The following RBFOX1 variants were observed in gnomAD, a reference collection of about 807,000 sequenced individuals.
The protein encoded by RBFOX1 is RNA binding protein fox-1 homolog 1.
In RBFOX1, 8 loss-of-function variants were observed where a neutral mutation model predicts 57.7. The ratio of observed to expected loss-of-function variants is 0.14; its 90% CI spans 0.08 to 0.25. The LOEUF (loss-of-function observed/expected upper bound fraction) is 0.25. Ranked by LOEUF, RBFOX1 falls within the 10% of genes least tolerant of loss-of-function variation. The pLI, the probability that RBFOX1 is intolerant of heterozygous loss-of-function variation, is 1.00. For synonymous variants in RBFOX1, 326 were observed against 222.4 expected, an observed-to-expected ratio of 1.47 and a Z score of -4.15; for missense variants, 611 against 548.5, an observed-to-expected ratio of 1.11 and a Z score of -1.14.
intron 5 of RBFOX1, among the ~76,000 whole-genome samples, chr16:7,555,132 C>T (rs1181556656): frequency 2.0e-5 from 3 of 152,088 alleles, no homozygotes; most frequent in Non-Finnish European, 4.4e-5. Flanking sequence ...AATTACAATG[C>T]ATCTCCCCAC....
intron 2 of RBFOX1, among the ~76,000 whole-genome samples, chr16:5,510,359 GTC>G (rs1394993677): frequency 1.1e-4 from 16 of 152,332 alleles, no homozygotes; most frequent in Admixed American, 3.9e-4. Context: ...TCTGCCTGGT[GTC>G]TCTGCTTCTT....
intron 4 of RBFOX1, among the ~76,000 whole-genome samples, chr16:7,119,725 A>G (rs1025801660): frequency 5.9e-5 from 9 of 152,140 alleles, no homozygotes; most frequent in Admixed American, 5.2e-4. Context: ...GCCAAAACTG[A>G]TAGAACTGAA....
intron 4 of RBFOX1, among the ~76,000 whole-genome samples, chr16:7,106,877 T>C (rs920498404): frequency 3.9e-5 from 6 of 151,970 alleles, no homozygotes; most frequent in Non-Finnish European, 8.8e-5. Flanking sequence ...AAACAAGTAT[T>C]TATCATGCAC....
intron 3 of RBFOX1, among the ~76,000 whole-genome samples, chr16:6,736,601 A>G (rs1241601479): frequency 1.3e-5 from 2 of 152,196 alleles, no homozygotes; most frequent in African/African-American, 2.4e-5. Context: ...GCAGTTGTGA[A>G]TTGTGCCACT....
chr16:7,431,499 C>T (rs1002963507), intron 4 of RBFOX1, among the ~76,000 whole-genome samples: 1 of 152,086 alleles, frequency 6.6e-6, no homozygotes, highest in South Asian at 2.1e-4. Flanking sequence ...CTTTGGCCTC[C>T]CAAAGTGTGG....
intron 4 of RBFOX1, among the ~76,000 whole-genome samples, chr16:5,902,908 G>A (rs1012259): frequency 0.3 from 45,440 of 151,974 alleles, 8,283 homozygotes; most frequent in South Asian, 0.51. Context: ...ACACTTTGAC[G>A]CGTATCGAAG....
At chr16:7,027,503 C>T (rs1217824395) in intron 3 of RBFOX1, among the ~76,000 whole-genome samples, 1 of 137,064 alleles carries the variant, frequency 7.3e-6, no homozygotes, top group Non-Finnish European at 1.6e-5. Flanking sequence ...AGGATTCAAA[C>T]TCAAGCAGTC....
chr16:6,366,085 ATGTGTG>A lies in RBFOX1; in HGVS notation c.-64+49062_-64+49067del, dbSNP rs71145219. Among the ~76,000 whole-genome samples the A allele has an allele frequency of 2.8e-3, 409 of 144,400 alleles. 2 individuals are homozygous for A. Among genetic ancestry groups the A allele is most frequent in the East Asian group, 9.3e-3 (45 of 4,854 alleles). The allele number at this position is 144,400 out of a possible 152,430, so 94.7% of individuals were successfully genotyped here. A position where few individuals can be genotyped will look rare whatever the true frequency, so the allele number is the denominator to read the frequency against. On this transcript the variant is annotated intron_variant, in intron 2 of 15. Coordinates refer to ENST00000550418, the MANE Select transcript of RBFOX1 (RefSeq NM_018723.4). ...TCTGGTCGAGAATGGTGGCCATTCT[ATGTGTG>A]TGTGTGTGTGTGTGTGTGTGTGTGT...
intron 1 of RBFOX1, among the ~76,000 whole-genome samples, chr16:6,248,341 A>T (rs1462775521): frequency 6.6e-6 from 1 of 152,148 alleles, no homozygotes; most frequent in Non-Finnish European, 1.5e-5. Context: ...TTCTAGTTAA[A>T]TCAACACAGT....
chr16:5,707,737 C>G (rs903972570), intron 3 of RBFOX1, among the ~76,000 whole-genome samples: 2 of 152,214 alleles, frequency 1.3e-5, no homozygotes, highest in Non-Finnish European at 1.5e-5. Context: ...GATACTAATA[C>G]CTTATTGGGT....
At chr16:6,860,803 A>C (rs752078048) in intron 3 of RBFOX1, among the ~76,000 whole-genome samples, 8 of 152,242 alleles carry the variant, frequency 5.3e-5, no homozygotes, top group Non-Finnish European at 1.2e-4. Flanking sequence ...CAGGAGACAT[A>C]CAGTATGACA....
At chr16:6,773,145 GTTTGTGTATGGGTGTGGGGTGCATT>G (rs1316195905) in intron 3 of RBFOX1, among the ~76,000 whole-genome samples, 5 of 139,056 alleles carry the variant, frequency 3.6e-5, no homozygotes, top group African/African-American at 5.5e-5. Flanking sequence ...GTGCATTTGT[GTTTGTGTATGGGTGTGGGGTGCATT>G]TGTGTGTGTG....
chr16:5,466,058 G>C (rs1008751527), intron 1 of RBFOX1, among the ~76,000 whole-genome samples: 3 of 152,174 alleles, frequency 2.0e-5, no homozygotes, highest in African/African-American at 7.2e-5. Flanking sequence ...GACCCTGAAA[G>C]GTCTGACGTT....
chr16:7,629,171 G>GA (rs2142525914), intron 10 of RBFOX1, among the ~76,000 whole-genome samples: 1 of 152,234 alleles, frequency 6.6e-6, no homozygotes, highest in East Asian at 1.9e-4. Flanking sequence ...TTCTCCCTGG[G>GA]AAAAAGTGGA....
At chr16:5,393,970 G>A (rs114139801) in intron 1 of RBFOX1, among the ~76,000 whole-genome samples, 2,793 of 152,190 alleles carry the variant, frequency 0.018, 93 homozygotes, top group African/African-American at 0.063. Context: ...GAATCATACC[G>A]TATTTGTCTT....
chr16:5,716,359 A>G (rs1455807222), intron 3 of RBFOX1, among the ~76,000 whole-genome samples: 2 of 152,192 alleles, frequency 1.3e-5, no homozygotes, highest in South Asian at 2.1e-4. Context: ...CCCAGGCATT[A>G]AGCCTACTAG....
intron 1 of RBFOX1, among the ~76,000 whole-genome samples, chr16:6,294,467 A>T (rs1379000376): frequency 6.6e-6 from 1 of 152,186 alleles, no homozygotes. Flanking sequence ...CACTTAGATA[A>T]TCTCACTTGC....
At chr16:7,038,282 A>G (rs1299374094) in intron 3 of RBFOX1, among the ~76,000 whole-genome samples, 2 of 152,228 alleles carry the variant, frequency 1.3e-5, no homozygotes, top group African/African-American at 4.8e-5. Flanking sequence ...TCTTAGACTG[A>G]GCAAGGGTTT....
chr16:7,400,787 C>T (rs917303824), intron 4 of RBFOX1, among the ~76,000 whole-genome samples: 1 of 152,170 alleles, frequency 6.6e-6, no homozygotes, highest in South Asian at 2.1e-4. Flanking sequence ...TTCCCAGCAG[C>T]ATGGTGGTGA....
Sources: allele counts gnomAD v4.1 joint callset (sites outside exome capture counted in the v4.1 genomes callset), GRCh38; gene constraint gnomAD v4.1.1; transcripts MANE v1.5; gene names NCBI Gene and HGNC (gene_info 2026-07-23, HGNC 2026-07-21).